The following EVC2 variants were observed in gnomAD, a reference collection of about 807,000 sequenced individuals.
EVC2 encodes the protein limbin.
EVC2 carries 148 observed loss-of-function variants against 149.3 expected under a neutral mutation model. The observed-to-expected ratio is 0.99, with a 90% CI of 0.87 to 1.14. The LOEUF is 1.14. EVC2 is among the 50% of genes most tolerant of loss of function. The pLI is 0.00. For synonymous variants in EVC2, 776 were observed against 649.9 expected (o/e 1.19, Z -2.95); for missense variants, 1,854 against 1,627.3 (o/e 1.14, Z -2.40).
intron 9 of EVC2, among the ~76,000 whole-genome samples, chr4:5,651,353 T>C (rs1718134578): frequency 6.6e-6 from 1 of 151,510 alleles, no homozygotes; most frequent in African/African-American, 2.4e-5. Context: ...GTAGATAGGA[T>C]GGATGAATAG....
In EVC2 at chr4:5,696,122, G is replaced by C. The variant is rs1721462172; in HGVS notation, c.283+1471C>G. ...GAGTAGAGCATATGGGTGCAAGTGAGACCGGACATCCATCTCCGGACCCCA... is the reference window on the plus strand; with the variant it reads ...GAGTAGAGCATATGGGTGCAAGTGACACCGGACATCCATCTCCGGACCCCA... On this transcript the variant is annotated intron_variant, in intron 2 of 21. Transcript: ENST00000344408. This position sits in a 1 kb window ranked among gnomAD's most constrained non-coding sequence, Gnocchi z 4.1. Among the ~76,000 whole-genome samples, 2 of 152,176 alleles carry C rather than the reference G, an allele frequency of 1.3e-5. No homozygotes were observed. Among genetic ancestry groups the C allele is most frequent in the Non-Finnish European group, 2.9e-5 (2 of 68,036 alleles).
At chr4:5,680,487 C>A (rs1274507919) in intron 7 of EVC2, among the ~76,000 whole-genome samples, 1 of 152,082 alleles carries the variant, frequency 6.6e-6, no homozygotes, top group Non-Finnish European at 1.5e-5. Context: ...ATATGCAGTC[C>A]ACTGTTCACC....
chr4:5,598,121 A>C (rs1713623005), intron 16 of EVC2, among the ~76,000 whole-genome samples: 1 of 150,646 alleles, frequency 6.6e-6, no homozygotes, highest in South Asian at 2.1e-4. Flanking sequence ...AAGAATCAAT[A>C]TCATGAAAAT....
intron 1 of EVC2, among the ~76,000 whole-genome samples, chr4:5,703,138 A>G (rs1473101353): frequency 6.6e-6 from 1 of 152,240 alleles, no homozygotes; most frequent in Non-Finnish European, 1.5e-5. Context: ...TAGGCTAGTT[A>G]ATACAGACAA....
At chr4:5,705,864 C>T (rs1330706479) in intron 1 of EVC2, among the ~76,000 whole-genome samples, 1 of 152,086 alleles carries the variant, frequency 6.6e-6, no homozygotes, top group Non-Finnish European at 1.5e-5. Context: ...ACCTTAAGAA[C>T]CACTGGGGAA....
At chr4:5,556,352 A>T (rs73072217) in intron 21 of EVC2, among the ~76,000 whole-genome samples, 291 of 152,220 alleles carry the variant, frequency 1.9e-3, no homozygotes, top group African/African-American at 6.3e-3. Flanking sequence ...ACATGGGACA[A>T]TGAAGTCTCA....
rs115940786 is a variant in EVC2, at chr4:5,652,975, G to T, written c.1145+10132C>A. ...GAGGCCAACAGTCCAAACTCAAGGT[G>T]TTGGCAGGGATGGTTCCTCCTGCAG... On this transcript the variant is annotated intron_variant, in intron 9 of 21. Coordinates refer to ENST00000344408, the MANE Select transcript of EVC2 (RefSeq NM_147127.5). Among the ~76,000 whole-genome samples the T allele has an allele frequency of 3.8e-3, 580 of 152,250 alleles. 1 individual carries two copies. The highest frequency in any genetic ancestry group is 0.013 in the African/African-American group (557 of 41,548).
chr4:5,571,995 G>A (rs1461511976), intron 19 of EVC2, among the ~76,000 whole-genome samples: 1 of 152,174 alleles, frequency 6.6e-6, no homozygotes, highest in African/African-American at 2.4e-5. Flanking sequence ...CAGCCTGCAG[G>A]CCAACCCTGC....
chr4:5,569,099 C>A lies in EVC2; in HGVS notation c.3361-459G>T, dbSNP rs1266905548. On this transcript the variant is annotated intron_variant, in intron 19 of 21. Transcript: ENST00000344408. The surrounding 1 kb of genome is among the most constrained non-coding windows in gnomAD (Gnocchi z 4.8). ...ACCACTCTGCAGTCAGAAGAAAGAA[C>A]TGGAAGGATCCCAGGGGCATTATGC... Among the ~76,000 whole-genome samples the A allele has an allele frequency of 6.6e-6, 1 of 152,224 alleles. No individual in the cohort carries two copies. The highest frequency in any genetic ancestry group is 1.5e-5 in the Non-Finnish European group (1 of 68,046).
chr4:5,589,423 G>T (rs1031004660), intron 16 of EVC2, among the ~76,000 whole-genome samples: 4 of 152,126 alleles, frequency 2.6e-5, no homozygotes, highest in Non-Finnish European at 2.9e-5. Context: ...TGCTGCGCAG[G>T]TCTCAGCAGA....
chr4:5,565,027 CA>C (rs1327471953), intron 21 of EVC2, among the ~76,000 whole-genome samples: 1 of 152,220 alleles, frequency 6.6e-6, no homozygotes, highest in East Asian at 1.9e-4. Flanking sequence ...AAAATAAATA[CA>C]GAATGTAAAT....
chr4:5,647,632 A>C (rs1182699629), intron 9 of EVC2, among the ~76,000 whole-genome samples: 1 of 152,238 alleles, frequency 6.6e-6, no homozygotes, highest in East Asian at 1.9e-4. Context: ...ACAAGCTCAG[A>C]AAACAAAATC....
rs1489187109 is a variant in EVC2, at chr4:5,696,954, G to A, written c.283+639C>T. Among the ~76,000 whole-genome samples, 1 of 152,188 alleles carries A rather than the reference G, an allele frequency of 6.6e-6. No individual in the cohort carries two copies. Among genetic ancestry groups the A allele is most frequent in the Non-Finnish European group, 1.5e-5 (1 of 68,046 alleles). On this transcript the variant is annotated intron_variant, in intron 2 of 21. Coordinates refer to ENST00000344408, the MANE Select transcript of EVC2 (RefSeq NM_147127.5). The surrounding 1 kb of genome is among the most constrained non-coding windows in gnomAD (Gnocchi z 4.1). ...GAGATTGCCTGGATTATCCTGGTGG[G>A]CCCTAAATGTCATCACAGATGTCCT...
chr4:5,626,490 C>A (rs562271639), intron 12 of EVC2, among the ~76,000 whole-genome samples: 2 of 151,302 alleles, frequency 1.3e-5, no homozygotes, highest in African/African-American at 4.9e-5. Flanking sequence ...CGTGCCACCA[C>A]GCCAGCTAAT....
intron 16 of EVC2, among the ~76,000 whole-genome samples, chr4:5,592,892 T>A (rs536026323): frequency 3.0e-4 from 45 of 152,184 alleles, no homozygotes; most frequent in African/African-American, 1.0e-3. Flanking sequence ...CCCACCCAAA[T>A]CACATCTTGA....
In EVC2 at chr4:5,636,640, G is replaced by C. The variant is rs1381861426; in HGVS notation, c.1470+3874C>G. 6.6e-6 allele frequency among the ~76,000 whole-genome samples: 1 copy of C among 152,086 alleles called. No individual in the cohort carries two copies. Among genetic ancestry groups the C allele is most frequent in the Non-Finnish European group, 1.5e-5 (1 of 68,016 alleles). On this transcript the variant is annotated intron_variant, in intron 10 of 21. Coordinates refer to ENST00000344408, the MANE Select transcript of EVC2 (RefSeq NM_147127.5). The surrounding 1 kb of genome is among the most constrained non-coding windows in gnomAD (Gnocchi z 4.6). ...AGAGACTTGAGAATTTGTGGATTTTGGTATCCATGGGGGTGGGATGGTGGG... is the reference window on the plus strand; with the variant it reads ...AGAGACTTGAGAATTTGTGGATTTTCGTATCCATGGGGGTGGGATGGTGGG...
At chr4:5,706,806 G>C (rs962374966) in intron 1 of EVC2, among the ~76,000 whole-genome samples, 4 of 152,138 alleles carry the variant, frequency 2.6e-5, no homozygotes, top group South Asian at 2.1e-4. Context: ...AGGGCCCAGG[G>C]GACGTGCTCA....
rs1721462389 is a variant in EVC2 at position 5,696,121 on chromosome 4, AGACCG to A, written c.283+1467_283+1471del. Among the ~76,000 whole-genome samples the A allele has an allele frequency of 6.6e-6, 1 of 152,202 alleles. No homozygotes were observed. The highest frequency in any genetic ancestry group is 1.5e-5 in the Non-Finnish European group (1 of 68,038). ...TGAGTAGAGCATATGGGTGCAAGTGAGACCGGACATCCATCTCCGGACCCCAGCAC... is the reference window on the plus strand; with the variant it reads ...TGAGTAGAGCATATGGGTGCAAGTGAGACATCCATCTCCGGACCCCAGCAC... On this transcript the variant is annotated intron_variant, in intron 2 of 21. Transcript: ENST00000344408. The surrounding 1 kb of genome is among the most constrained non-coding windows in gnomAD (Gnocchi z 4.1).
chr4:5,580,325 G>A (rs868335572), intron 17 of EVC2, among the ~76,000 whole-genome samples: 23 of 152,082 alleles, frequency 1.5e-4, no homozygotes, highest in Admixed American at 9.2e-4. Flanking sequence ...TTAAGAATAC[G>A]GCATCATCTG....
Sources: allele counts gnomAD v4.1 joint callset (sites outside exome capture counted in the v4.1 genomes callset), GRCh38; gene constraint gnomAD v4.1.1; non-coding constraint Gnocchi (gnomAD v3.1); transcripts MANE v1.5; gene names NCBI Gene and HGNC (gene_info 2026-07-23, HGNC 2026-07-21).